SRC: variants seen among roughly 807,000 people sequenced by gnomAD.
The protein encoded by SRC is proto-oncogene tyrosine-protein kinase Src.
In SRC, 13 loss-of-function variants were observed where a neutral mutation model predicts 62.9. That is an observed-to-expected ratio of 0.21 (90% CI 0.13 to 0.33). SRC has a LOEUF of 0.33. Ranked by LOEUF, SRC falls within the 10% of genes least tolerant of loss-of-function variation. The probability of loss-of-function intolerance (pLI) is 1.00; values close to 1 mark genes in which losing one functional copy is unlikely to be tolerated. For missense variants in SRC, 457 were observed against 737.3 expected, an observed-to-expected ratio of 0.62 and a Z score of 4.40; for synonymous variants, 302 against 317.5, an observed-to-expected ratio of 0.95 and a Z score of 0.52.
At chr20:37,361,726 G>C (rs926987708) in intron 1 of SRC, among the ~76,000 whole-genome samples, 1 of 152,212 alleles carries the variant, frequency 6.6e-6, no homozygotes, top group South Asian at 2.1e-4. Flanking sequence ...TGCCACCTCA[G>C]TGTTCTCTGT....
intron 2 of SRC, among the ~76,000 whole-genome samples, chr20:37,373,287 T>TG (rs2070212906): frequency 6.6e-6 from 1 of 150,448 alleles, no homozygotes; most frequent in Admixed American, 6.6e-5. Context: ...CACACACATA[T>TG]TACATATGTA....
chr20:37,349,635 C>T (rs1249275538), intron 1 of SRC, among the ~76,000 whole-genome samples: 1 of 152,208 alleles, frequency 6.6e-6, no homozygotes, highest in Non-Finnish European at 1.5e-5. Flanking sequence ...TTGGACAGGT[C>T]ACTCGGCCTC....
chr20:37,401,905 T>G (rs1255754274), intron 11 of SRC: 2 of 457,918 alleles, frequency 4.4e-6, no homozygotes, highest in Non-Finnish European at 3.8e-6. Flanking sequence ...GTCACTGACT[T>G]ACTGTGGGAC....
Position 37,403,816 on chromosome 20 carries a change from C to G in SRC, c.*437C>G. 3.8e-6 allele frequency: 1 copy of G among 260,354 alleles called. No individual in the cohort carries two copies. Among genetic ancestry groups the G allele is most frequent in the Non-Finnish European group, 7.5e-6 (1 of 133,204 alleles). 16.1% of individuals were successfully genotyped at this position (260,354 alleles called of 1,614,324 possible). On this transcript the variant is annotated 3_prime_UTR_variant, in exon 14 of 14. Coordinates refer to ENST00000373578, the MANE Select transcript of SRC (RefSeq NM_198291.3). The surrounding 1 kb of genome is among the most constrained non-coding windows in gnomAD (Gnocchi z 7.1). ...AGCCTTTCCAAAGAGGAGCGATGGG[C>G]CCCTGGCCCCGCCTGCCTGCCACCC...
Position 37,402,191 on chromosome 20 carries a change from A to C in SRC, c.1117-244A>C. 2.2e-6 allele frequency: 1 copy of C among 456,628 alleles called. No individual in the cohort carries two copies. The highest frequency in any genetic ancestry group is 3.9e-6 in the Non-Finnish European group (1 of 258,890). The allele number at this position is 456,628 out of a possible 1,614,324, so 28.3% of individuals were successfully genotyped here. A position where few individuals can be genotyped will look rare whatever the true frequency, so the allele number is the denominator to read the frequency against. ...CACCTCGCTTTCCTGGCTGCATCGG[A>C]TCTCGTGCCTCCCCTTTGACCTTTG... On this transcript the variant is annotated intron_variant, in intron 11 of 13. Transcript: ENST00000373578. The surrounding 1 kb of genome is among the most constrained non-coding windows in gnomAD (Gnocchi z 6.2).
At chr20:37,346,022 G>C (rs1036040895), upstream of SRC, 3 of 152,254 alleles carry the variant, frequency 2.0e-5, no homozygotes, top group Non-Finnish European at 4.4e-5. Context: ...GCTGCCTGCC[G>C]GGCCCCTCCT....
intron 5 of SRC, among the ~76,000 whole-genome samples, chr20:37,391,124 C>G (rs2070540767): frequency 6.6e-6 from 1 of 152,220 alleles, no homozygotes; most frequent in African/African-American, 2.4e-5. Flanking sequence ...GCCTTCCACT[C>G]TGGGTGGCTG....
intron 2 of SRC, among the ~76,000 whole-genome samples, chr20:37,365,691 C>T (rs1040014615): frequency 1.3e-5 from 2 of 151,988 alleles, no homozygotes; most frequent in Admixed American, 1.3e-4. Context: ...CTCAAACGAT[C>T]CTCCCACCTC....
intron 1 of SRC, among the ~76,000 whole-genome samples, chr20:37,356,942 G>A (rs866137991): frequency 6.6e-6 from 1 of 152,184 alleles, no homozygotes; most frequent in Non-Finnish European, 1.5e-5. Context: ...AAAAATGGGG[G>A]TCACACTAGA....
chr20:37,394,665 C>T (rs767368961), intron 7 of SRC, among the ~76,000 whole-genome samples: 1 of 152,138 alleles, frequency 6.6e-6, no homozygotes, highest in African/African-American at 2.4e-5. Flanking sequence ...TTGCCCTCCC[C>T]CAACTGCAGT....
intron 2 of SRC, among the ~76,000 whole-genome samples, chr20:37,370,166 T>C (rs1277425765): frequency 6.6e-6 from 1 of 152,210 alleles, no homozygotes; most frequent in African/African-American, 2.4e-5. Flanking sequence ...GTTTTTGTCA[T>C]GAAGGAGTGT....
intron 2 of SRC, among the ~76,000 whole-genome samples, chr20:37,370,105 G>C (rs538805825): frequency 6.6e-6 from 1 of 152,170 alleles, no homozygotes; most frequent in Admixed American, 6.5e-5. Flanking sequence ...CGGCCTAGCC[G>C]TGAGGTTTTC....
At position 37,396,848 on chromosome 20, in the gene SRC, C is replaced by T. The variant is rs1338838895; in HGVS notation, c.703+537C>T. On this transcript the variant is annotated intron_variant, in intron 8 of 13. Transcript: ENST00000373578. This position sits in a 1 kb window ranked among gnomAD's most constrained non-coding sequence, Gnocchi z 6.1. ...TCCGAAGCTGACTGCAGTGTCGGGC[C>T]TGTGGGTGCCTGTGTGCCCGTGTGT... The T allele has an allele frequency of 2.5e-5, 4 of 159,740 alleles. No individual in the cohort carries two copies. Among genetic ancestry groups the T allele is most frequent in the Non-Finnish European group, 4.1e-5 (3 of 72,628 alleles). 9.9% of individuals were successfully genotyped at this position (159,740 alleles called of 1,614,324 possible). A position where few individuals can be genotyped will look rare whatever the true frequency, so the allele number is the denominator to read the frequency against.
chr20:37,367,843 C>T (rs902750293), intron 2 of SRC, among the ~76,000 whole-genome samples: 1 of 152,058 alleles, frequency 6.6e-6, no homozygotes, highest in Non-Finnish European at 1.5e-5. Context: ...AGGGGTCTCA[C>T]TATGTTTCCC....
At chr20:37,360,169 A>G (rs919178318) in intron 1 of SRC, among the ~76,000 whole-genome samples, 1 of 151,270 alleles carries the variant, frequency 6.6e-6, no homozygotes, top group South Asian at 2.1e-4. Context: ...CCATAAAACT[A>G]AAGTCCATGT....
At position 37,390,388 on chromosome 20, in the gene SRC, CTTTTTTTTTTT is replaced by C. The variant is rs562064689; in HGVS notation, c.351-3490_351-3480del. ...CATGTTGTGCTGGGCTCTGATCTGG[CTTTTTTTTTTT>C]TTTTTTTTTTTTTTTTGAGACCGGA... On this transcript the variant is annotated intron_variant, in intron 5 of 13. Transcript: ENST00000373578. 3.0e-4 allele frequency among the ~76,000 whole-genome samples: 26 copies of C among 85,662 alleles called. 1 individual carries two copies. The highest frequency in any genetic ancestry group is 1.2e-3 in the East Asian group (4 of 3,424). The allele number at this position is 85,662 out of a possible 152,430, so 56.2% of individuals were successfully genotyped here.
chr20:37,356,635 T>G (rs945344520), intron 1 of SRC, among the ~76,000 whole-genome samples: 3 of 152,092 alleles, frequency 2.0e-5, no homozygotes, highest in African/African-American at 7.2e-5. Flanking sequence ...ACTGGCAGAT[T>G]CCCAAGGCGC....
intron 1 of SRC, among the ~76,000 whole-genome samples, chr20:37,356,024 C>T (rs564885227): frequency 3.3e-5 from 5 of 152,148 alleles, no homozygotes; most frequent in African/African-American, 7.2e-5. Flanking sequence ...AGACCGGCCT[C>T]AGAGGCTCAA....
At chr20:37,393,672 C>T in intron 5 of SRC, 1 of 554,666 alleles carries the variant, frequency 1.8e-6, no homozygotes, top group Non-Finnish European at 3.2e-6. Flanking sequence ...AAGACAAAGT[C>T]CATCTGATCC....
Sources: gnomAD v4.1 joint callset for allele counts (sites outside exome capture counted in the v4.1 genomes callset) on GRCh38, gnomAD v4.1.1 for gene constraint, Gnocchi (gnomAD v3.1) non-coding constraint, MANE v1.5 for transcripts, NCBI Gene and HGNC (gene_info 2026-07-23, HGNC 2026-07-21) for gene names.